Variants in PRR5 observed in about 807,000 individuals in gnomAD.
PRR5 encodes the protein proline rich 5.
A neutral mutation model predicts 30.6 loss-of-function variants in PRR5; 25 were observed. The observed-to-expected ratio is 0.82, with a 90% CI of 0.60 to 1.14. PRR5 has a LOEUF of 1.14. Ranked by LOEUF, PRR5 falls within the 50% of genes most tolerant of loss-of-function variation. The pLI is 0.00. For synonymous variants in PRR5, 286 were observed against 247.1 expected (o/e 1.16, Z -1.48); for missense variants, 600 against 547.1 (o/e 1.10, Z -0.96).
intron 1 of PRR5, among the ~76,000 whole-genome samples, chr22:44,709,424 A>G (rs1476336435): frequency 6.6e-6 from 1 of 152,062 alleles, no homozygotes; most frequent in Non-Finnish European, 1.5e-5. Flanking sequence ...GTGAAGATGG[A>G]GGAAGGGGCC....
chr22:44,721,526 A>G (rs773216409), intron 2 of PRR5, among the ~76,000 whole-genome samples: 1 of 152,220 alleles, frequency 6.6e-6, no homozygotes, highest in Non-Finnish European at 1.5e-5. Context: ...GACGAATCAG[A>G]GGTTCTTGCA....
chr22:44,717,194 T>TC (rs1446035939), intron 2 of PRR5, among the ~76,000 whole-genome samples: 1 of 148,032 alleles, frequency 6.8e-6, no homozygotes, highest in Non-Finnish European at 1.5e-5. Context: ...TTACCCTTTT[T>TC]TTTTTTTTTT....
intron 2 of PRR5, among the ~76,000 whole-genome samples, chr22:44,720,311 C>T (rs6007262): frequency 0.4 from 61,541 of 152,158 alleles, 13,030 homozygotes; most frequent in East Asian, 0.55. Context: ...GCCCTCTCTT[C>T]GTGTTCTGTA....
At chr22:44,700,467 C>G (rs766840315), upstream of PRR5, among the ~76,000 whole-genome samples, 1 of 151,898 alleles carries the variant, frequency 6.6e-6, no homozygotes, top group African/African-American at 2.4e-5. Flanking sequence ...CCATCACACA[C>G]GCAAAAAATC....
At chr22:44,731,092 G>A (rs1015849474) in intron 4 of PRR5, 6 of 293,866 alleles carry the variant, frequency 2.0e-5, no homozygotes, top group South Asian at 6.7e-5. Context: ...CTGCTTAGCC[G>A]GGTTGTTAGG....
At chr22:44,736,193 C>A (rs1392499490) in intron 7 of PRR5, among the ~76,000 whole-genome samples, 1 of 152,334 alleles carries the variant, frequency 6.6e-6, no homozygotes, top group African/African-American at 2.4e-5. Context: ...ACTCTCCACG[C>A]AGCGGCCAGC....
chr22:44,722,781 C>T (rs1426840347), intron 2 of PRR5, among the ~76,000 whole-genome samples: 1 of 152,166 alleles, frequency 6.6e-6, no homozygotes, highest in African/African-American at 2.4e-5. Context: ...TCCTGGTGGC[C>T]AGGGGCACAG....
intron 5 of PRR5, 105 bp from the exon 6 acceptor site, chr22:44,732,146 G>A (rs1010879783): frequency 1.9e-6 from 3 of 1,539,410 alleles, no homozygotes; most frequent in Non-Finnish European, 2.6e-6. Flanking sequence ...GGAGGGGCCT[G>A]AGGGTCGGCA....
chr22:44,693,020 G>A (rs1925422209), intron 1 of PRR5, among the ~76,000 whole-genome samples: 1 of 152,166 alleles, frequency 6.6e-6, no homozygotes. Flanking sequence ...CTGAGTGTCA[G>A]GGTGGGACCT....
At chr22:44,706,631 C>G (rs535925305) in intron 1 of PRR5, among the ~76,000 whole-genome samples, 1 of 152,164 alleles carries the variant, frequency 6.6e-6, no homozygotes, top group Non-Finnish European at 1.5e-5. Context: ...CAGGCTCCAG[C>G]GATCCTCCCA....
rs369288806 is a variant in PRR5, at chr22:44,690,875, C to T, written c.-10-11617C>T. 1.4e-4 allele frequency among the ~76,000 whole-genome samples: 21 copies of T among 151,978 alleles called. No homozygotes were observed. The East Asian group carries it at 1.6e-3, about 11-fold the overall frequency. On this transcript the variant is annotated intron_variant, in intron 1 of 8. Coordinates refer to the PRR5 transcript ENST00000006251. Reference sequence around the variant, plus strand: ...GTGGCGGGAGAGGGGCCTGGCAGGGCGTGGCGGGAGACGAAGCAGAATTGG... The same window carrying T: ...GTGGCGGGAGAGGGGCCTGGCAGGGTGTGGCGGGAGACGAAGCAGAATTGG...
intron 2 of PRR5, among the ~76,000 whole-genome samples, chr22:44,722,920 T>C (rs565259787): frequency 2.0e-5 from 3 of 152,158 alleles, no homozygotes; most frequent in African/African-American, 4.8e-5. Context: ...TGACTACACA[T>C]TGAAACTGTG....
chr22:44,728,235 G>C (rs1200923811), intron 4 of PRR5, among the ~76,000 whole-genome samples: 2 of 152,240 alleles, frequency 1.3e-5, no homozygotes, highest in Non-Finnish European at 2.9e-5. Context: ...CAGGCACTGG[G>C]CTCTACGCTG....
chr22:44,725,379 A>G, intron 3 of PRR5, 87 bp downstream of exon 3: 2 of 1,573,956 alleles, frequency 1.3e-6, no homozygotes, highest in Non-Finnish European at 1.7e-6. Context: ...GGGGGTGTGG[A>G]GCGCCGGCTC....
In PRR5 at chr22:44,704,610, C is replaced by A. The variant is rs143448986; in HGVS notation, c.134+2002C>A. On this transcript the variant is annotated intron_variant, in intron 1 of 7. Transcript: ENST00000336985. ...CTCCCACCACCCCAGGCAGCAGGGGCACGGCCATTTCCTGCACTCCTCTTA... is the reference window on the plus strand; with the variant it reads ...CTCCCACCACCCCAGGCAGCAGGGGAACGGCCATTTCCTGCACTCCTCTTA... 4.6e-3 allele frequency among the ~76,000 whole-genome samples: 701 copies of A among 152,198 alleles called. 7 individuals carry two copies. Among genetic ancestry groups the A allele is most frequent in the African/African-American group, 0.016 (674 of 41,528 alleles).
chr22:44,689,573 C>T (rs1209346703), intron 1 of PRR5, among the ~76,000 whole-genome samples: 1 of 152,182 alleles, frequency 6.6e-6, no homozygotes, highest in Non-Finnish European at 1.5e-5. Flanking sequence ...CATTGGATTG[C>T]GCACCATGGA....
intron 1 of PRR5, among the ~76,000 whole-genome samples, chr22:44,680,604 G>A (rs11705073): frequency 0.037 from 5,566 of 152,220 alleles, 356 homozygotes; most frequent in African/African-American, 0.13. Flanking sequence ...CTGGGTGCCC[G>A]ACTTTCCCAT....
intron 1 of PRR5, among the ~76,000 whole-genome samples, chr22:44,681,941 A>G (rs1364428887): frequency 1.3e-5 from 2 of 152,210 alleles, no homozygotes; most frequent in Non-Finnish European, 1.5e-5. Context: ...TGCTGTGGCC[A>G]GAGCCGTGGC....
Position 44,731,892 on chromosome 22 carries a change from G to C in PRR5, c.414+71G>C, listed in dbSNP as rs377015921. The C allele has an allele frequency of 3.1e-3, 4,638 of 1,489,684 alleles. 120 individuals are homozygous for C. The South Asian group carries it at 0.039, about 12-fold the overall frequency. The allele number at this position is 1,489,684 out of a possible 1,614,324, so 92.3% of individuals were successfully genotyped here. On this transcript the variant is annotated intron_variant, in intron 5 of 7. Transcript: ENST00000336985. ...GCCCACCCTGGCCTCACTCTACAGA[G>C]GGGGGCCGCCAGGCTTGGGGACACA...
Sources: gnomAD v4.1 joint callset for allele counts (sites outside exome capture counted in the v4.1 genomes callset) on GRCh38, gnomAD v4.1.1 for gene constraint, MANE v1.5 for transcripts, NCBI Gene and HGNC (gene_info 2026-07-23, HGNC 2026-07-21) for gene names.